Variants in SLC25A45 observed in about 807,000 individuals in gnomAD.
The protein encoded by SLC25A45 is methylated amino-acid transporter SLC25A45.
SLC25A45 carries 22 observed loss-of-function variants against 23.0 expected under a neutral mutation model. The ratio of observed to expected loss-of-function variants is 0.95; its 90% CI spans 0.68 to 1.36. The LOEUF (loss-of-function observed/expected upper bound fraction) is 1.36. SLC25A45 is among the 40% of genes most tolerant of loss of function. SLC25A45 has a pLI of 0.00. For synonymous variants in SLC25A45, 136 were observed against 155.0 expected (o/e 0.88, Z 0.91); for missense variants, 355 against 383.5 (o/e 0.93, Z 0.62).
chr11:65,382,028 C>T lies in SLC25A45; in HGVS notation c.-18-59G>A, dbSNP rs1320885806. Reference sequence around the variant, plus strand: ...TCCCCCCTCTCCCTCCCCTGGCCCACGCTGATAACCTCCCACTAATGTTTA... The same window carrying T: ...TCCCCCCTCTCCCTCCCCTGGCCCATGCTGATAACCTCCCACTAATGTTTA... On this transcript the variant is annotated intron_variant, in intron 1 of 6. Coordinates refer to ENST00000398802, the MANE Select transcript of SLC25A45 (RefSeq NM_182556.4). The surrounding 1 kb of genome is among the most constrained non-coding windows in gnomAD (Gnocchi z 4.4). 1.2e-5 allele frequency: 15 copies of T among 1,214,360 alleles called. No homozygotes were observed. Among genetic ancestry groups the T allele is most frequent in the East Asian group, 4.6e-5 (2 of 43,016 alleles). The allele number at this position is 1,214,360 out of a possible 1,614,324, so 75.2% of individuals were successfully genotyped here.
chr11:65,377,453 T>A, intron 5 of SLC25A45: 19 of 1,032,990 alleles, frequency 1.8e-5, no homozygotes, highest in Non-Finnish European at 2.1e-5. Context: ...AAGTGAAGGA[T>A]TCAGCCTGTG....
chr11:65,379,658 C>A (rs979541459), intron 4 of SLC25A45, 97 bp from the exon 5 acceptor site: 14 of 1,356,072 alleles, frequency 1.0e-5, no homozygotes, highest in African/African-American at 1.5e-5. Flanking sequence ...GAAACTGCTC[C>A]CAAGTCCTGC....
chr11:65,376,941 C>T lies in SLC25A45; in HGVS notation c.475G>A (p.Gly159Arg), dbSNP rs1314196083. 6.2e-7 allele frequency: 1 copy of T among 1,613,344 alleles called. No individual in the cohort carries two copies. Among genetic ancestry groups the T allele is most frequent in the Admixed American group, 1.7e-5 (1 of 59,900 alleles). Residue 159 changes from glycine to arginine, a missense_variant, in exon 6 of 7, where the codon GGG (glycine) becomes AGG (arginine). Physicochemically the swap from Gly to Arg is moderately radical, Grantham distance 125. Coordinates refer to ENST00000398802, the MANE Select transcript of SLC25A45 (RefSeq NM_182556.4). ...HCAASIFREE[G>R]PRGLFRGAWA... ...GCTCCTCGGAACAGCCCCCGGGGCC[C>T]CTCCTCCCGGAAGATGGAGGCTGCA...
intron 2 of SLC25A45, chr11:65,381,116 G>A (rs902991588): frequency 1.3e-5 from 2 of 153,260 alleles, no homozygotes; most frequent in Non-Finnish European, 2.9e-5. Context: ...CTGGCTCTGG[G>A]GTGCTCCACG....
upstream of SLC25A45, chr11:65,382,680 C>G (rs997783572): frequency 6.6e-6 from 1 of 152,628 alleles, no homozygotes; most frequent in African/African-American, 2.4e-5. This position sits in a 1 kb window ranked among gnomAD's most constrained non-coding sequence, Gnocchi z 4.4. Context: ...CTGTGAGCCA[C>G]AGGGTGCCGC....
At chr11:65,376,774 T>G in intron 6 of SLC25A45, 44 bp downstream of exon 6, 1 of 1,614,166 alleles carries the variant, frequency 6.2e-7, no homozygotes, top group Non-Finnish European at 8.5e-7. Context: ...CCCTGCCTGC[T>G]ACCCACACCT....
At chr11:65,383,636 T>C (rs1189618577), upstream of SLC25A45, 1 of 151,994 alleles carries the variant, frequency 6.6e-6, no homozygotes, top group Admixed American at 6.6e-5. Flanking sequence ...CGGGCGCCTG[T>C]AGTCCCAGCT....
chr11:65,379,256 T>G (rs1312793793), intron 5 of SLC25A45, 120 bp downstream of exon 5: 2 of 1,199,326 alleles, frequency 1.7e-6, no homozygotes, highest in Non-Finnish European at 2.4e-6. Flanking sequence ...ACAGGCCTCT[T>G]GTTCCCCTCC....
At chr11:65,380,083 T>A (rs1565580848) in intron 3 of SLC25A45, 49 bp downstream of exon 3, 1 of 1,586,604 alleles carries the variant, frequency 6.3e-7, no homozygotes, top group Non-Finnish European at 8.7e-7. Flanking sequence ...ACCCTGACAT[T>A]TGGGTCAGGT....
Position 65,376,511 on chromosome 11 carries a change from G to T in SLC25A45, c.763C>A (p.Leu255Met). The T allele has an allele frequency of 6.2e-7, 1 of 1,614,212 alleles. No individual in the cohort carries two copies. The highest frequency in any genetic ancestry group is 1.3e-5 in the African/African-American group (1 of 75,052). ...GTGACCCCCCGGAAGAAGACTCCCA[G>T]TCCTTCCTGCCGGATGCTGCTCACC... ...CMVSSIRQEG[L>M]GVFFRGVTIN... Residue 255 changes from leucine to methionine, a missense_variant, in exon 7 of 7, where the codon CTG becomes ATG. Coordinates refer to ENST00000398802, the MANE Select transcript of SLC25A45 (RefSeq NM_182556.4).
intron 2 of SLC25A45, chr11:65,380,401 AG>A (rs963364958): frequency 1.1e-6 from 1 of 907,788 alleles, no homozygotes; most frequent in Non-Finnish European, 1.6e-6. Flanking sequence ...CTAAGACCCC[AG>A]GCCCCACCTG....
chr11:65,377,298 A>T, intron 5 of SLC25A45: 1 of 1,398,204 alleles, frequency 7.2e-7, no homozygotes, highest in Non-Finnish European at 9.3e-7. Flanking sequence ...CAAGAGTGAG[A>T]GGCACTGCCC....
rs777209082 is a variant in SLC25A45 at position 65,376,931 on chromosome 11, C to A, written c.485G>T (p.Gly162Val). ...ASIFREEGPRGLFRGAWALTL... is the reference protein window; with the variant it reads ...ASIFREEGPRVLFRGAWALTL... The stretch of plus-strand genomic sequence containing the variant: ...CAGGGCCCAGGCTCCTCGGAACAGC[C>A]CCCGGGGCCCCTCCTCCCGGAAGAT... Residue 162 changes from glycine to valine, a missense_variant, in exon 6 of 7, where the codon GGG (glycine) becomes GTG (valine). Coordinates refer to ENST00000398802, the MANE Select transcript of SLC25A45 (RefSeq NM_182556.4). The A allele has an allele frequency of 6.2e-7, 1 of 1,613,502 alleles. No individual in the cohort carries two copies. The highest frequency in any genetic ancestry group is 8.5e-7 in the Non-Finnish European group (1 of 1,179,680).
At chr11:65,380,044 G>T in intron 3 of SLC25A45, 88 bp downstream of exon 3, 1 of 1,584,128 alleles carries the variant, frequency 6.3e-7, no homozygotes, top group Non-Finnish European at 8.7e-7. Context: ...GGCAGGAAAG[G>T]CAAGATTAGC....
rs1855334668 is a variant in SLC25A45 at position 65,378,439 on chromosome 11, G to C, written c.339+937C>G. 3 of 152,204 alleles carry C rather than the reference G, an allele frequency of 2.0e-5. 1 individual carries two copies. Among genetic ancestry groups the C allele is most frequent in the Non-Finnish European group, 4.4e-5 (3 of 68,060 alleles). The allele number at this position is 152,204 out of a possible 1,614,324, so 9.4% of individuals were successfully genotyped here. ...ACTTCTGCTTTCCAAAGAGCTGGGG[G>C]GGCAGGGTGACTTAGAAGCCGGGCC... On this transcript the variant is annotated intron_variant, in intron 5 of 6. Transcript: ENST00000398802.
rs1313260220 is a variant in SLC25A45, at chr11:65,377,201, CACCCAGCCT to C, written c.340-134_340-126del. The C allele has an allele frequency of 3.4e-5, 50 of 1,449,854 alleles. No individual in the cohort carries two copies. In the African/African-American group the frequency reaches 6.7e-4, roughly 19 times the overall value. 89.8% of individuals were successfully genotyped at this position (1,449,854 alleles called of 1,614,324 possible). ...TCCAGTCCCTCAGGAACCCTGCCGG[CACCCAGCCT>C]CTCACGTGCATGTGTGGCTGGGATG... On this transcript the variant is annotated intron_variant, in intron 5 of 6. Coordinates refer to ENST00000398802, the MANE Select transcript of SLC25A45 (RefSeq NM_182556.4).
chr11:65,378,435 G>C (rs924461872), intron 5 of SLC25A45: 6 of 151,430 alleles, frequency 4.0e-5, no homozygotes, highest in African/African-American at 1.5e-4. Context: ...CCAAAGAGCT[G>C]GGGGGGCAGG....
At chr11:65,377,097 G>T in intron 5 of SLC25A45, 21 bp from the exon 6 acceptor site, 1 of 1,606,210 alleles carries the variant, frequency 6.2e-7, no homozygotes, top group South Asian at 1.1e-5. Context: ...TGAAACATGA[G>T]GGCCCCGGGT....
chr11:65,379,696 G>A, intron 4 of SLC25A45, 135 bp from the exon 5 acceptor site: 2 of 1,246,606 alleles, frequency 1.6e-6, no homozygotes, highest in Non-Finnish European at 2.2e-6. Flanking sequence ...AGGCAGGGAT[G>A]GGCTGAGGCT....
Sources: allele counts gnomAD v4.1 joint callset, GRCh38; gene constraint gnomAD v4.1.1; non-coding constraint Gnocchi (gnomAD v3.1); transcripts MANE v1.5; gene names NCBI Gene and HGNC (gene_info 2026-07-23, HGNC 2026-07-21).